The following TMPRSS12 variants were observed in gnomAD, a reference collection of about 807,000 sequenced individuals.
TMPRSS12 encodes transmembrane protease serine 12.
Under a neutral mutation model 26.0 loss-of-function variants are expected in TMPRSS12, and 25 were observed. The observed-to-expected ratio is 0.96, with a 90% confidence interval of 0.70 to 1.34. The LOEUF (loss-of-function observed/expected upper bound fraction) is 1.34. Ranked by LOEUF, TMPRSS12 falls within the 40% of genes most tolerant of loss-of-function variation. The pLI is 0.00. For missense variants in TMPRSS12, 441 were observed against 440.1 expected, an observed-to-expected ratio of 1.00 and a Z score of -0.02; for synonymous variants, 150 against 161.7, an observed-to-expected ratio of 0.93 and a Z score of 0.55.
chr12:50,876,330 A>T (rs558436228), intron 3 of TMPRSS12, among the ~76,000 whole-genome samples: 1 of 152,254 alleles, frequency 6.6e-6, no homozygotes, highest in South Asian at 2.1e-4. Flanking sequence ...TGTGGAAAGC[A>T]GTTTGGAGAT....
chr12:50,859,180 G>A (rs1376856279), intron 3 of TMPRSS12, 127 bp downstream of exon 3: 3 of 840,954 alleles, frequency 3.6e-6, no homozygotes, highest in Admixed American at 3.5e-5. Flanking sequence ...CACACACGAT[G>A]GTGGTCTATA....
At chr12:50,846,316 A>G (rs543368864) in intron 2 of TMPRSS12, among the ~76,000 whole-genome samples, 88 of 152,238 alleles carry the variant, frequency 5.8e-4, no homozygotes, top group South Asian at 5.4e-3. Flanking sequence ...CCATTTTTGC[A>G]TAAGGTATCA....
rs869152225 is a variant in TMPRSS12, at chr12:50,880,966, C to CTTTTTTT, written c.653-4253_653-4247dup. Among the ~76,000 whole-genome samples, 351 of 61,810 alleles carry CTTTTTTT rather than the reference C, an allele frequency of 5.7e-3. 38 individuals carry two copies. Among genetic ancestry groups the CTTTTTTT allele is most frequent in the Non-Finnish European group, 6.6e-3 (230 of 34,870 alleles). The allele number at this position is 61,810 out of a possible 152,430, so 40.5% of individuals were successfully genotyped here. A position where few individuals can be genotyped will look rare whatever the true frequency, so the allele number is the denominator to read the frequency against. On this transcript the variant is annotated intron_variant, in intron 3 of 4. Transcript: ENST00000398458. ...CTATAGAGACAGGAATCAGTAATTTCTTTTTTTTTTTTTTTTTTTTTTTTT... is the reference window on the plus strand; with the variant it reads ...CTATAGAGACAGGAATCAGTAATTTCTTTTTTTTTTTTTTTTTTTTTTTTTTTTTTTT...
intron 3 of TMPRSS12, among the ~76,000 whole-genome samples, chr12:50,860,371 G>A (rs1415117374): frequency 6.6e-6 from 1 of 152,122 alleles, no homozygotes; most frequent in Non-Finnish European, 1.5e-5. Context: ...CCATTTGGGA[G>A]CATTTACCAT....
chr12:50,846,272 G>C (rs898658908), intron 2 of TMPRSS12, among the ~76,000 whole-genome samples: 3 of 152,028 alleles, frequency 2.0e-5, no homozygotes, highest in Admixed American at 1.3e-4. Context: ...TATAGCTTTA[G>C]CTCTTAGATT....
At chr12:50,882,236 GC>G (rs1331714409) in intron 3 of TMPRSS12, among the ~76,000 whole-genome samples, 2 of 138,672 alleles carry the variant, frequency 1.4e-5, no homozygotes, top group Non-Finnish European at 3.1e-5. Context: ...AATTGCTTGG[GC>G]CCAGGAGTTC....
intron 3 of TMPRSS12, 48 bp from the exon 4 acceptor site, chr12:50,885,198 G>C (rs1229889901): frequency 1.3e-6 from 2 of 1,517,454 alleles, no homozygotes; most frequent in Admixed American, 4.4e-5. Flanking sequence ...TTAAATCACT[G>C]TAAAAATGTC....
At chr12:50,849,119 C>T (rs1937800952) in intron 2 of TMPRSS12, among the ~76,000 whole-genome samples, 2 of 152,296 alleles carry the variant, frequency 1.3e-5, no homozygotes, top group South Asian at 4.1e-4. Context: ...CCTCGGCCTT[C>T]CAAAGGGCTG....
intron 3 of TMPRSS12, among the ~76,000 whole-genome samples, chr12:50,880,653 A>G (rs970612068): frequency 5.4e-5 from 2 of 37,356 alleles, no homozygotes; most frequent in African/African-American, 1.3e-4. Context: ...GATATCTACC[A>G]AAGACAAATG....
chr12:50,878,370 C>T (rs951056242), intron 3 of TMPRSS12, among the ~76,000 whole-genome samples: 2 of 151,896 alleles, frequency 1.3e-5, no homozygotes, highest in African/African-American at 4.8e-5. Flanking sequence ...GGCTTGAGCC[C>T]AGGAATTTAA....
chr12:50,855,470 A>G (rs1019723968), intron 2 of TMPRSS12, among the ~76,000 whole-genome samples: 2 of 152,160 alleles, frequency 1.3e-5, no homozygotes, highest in African/African-American at 4.8e-5. Context: ...CAACATCACT[A>G]ATCATCAGAG....
At position 50,859,055 on chromosome 12, in the gene TMPRSS12, T is replaced by C; in HGVS notation, c.652+2T>C. On this transcript the variant is annotated splice_donor_variant, in intron 3 of 4. Transcript: ENST00000398458. LOFTEE classifies it high-confidence loss of function. ...GCTGGGGAAGAACAAAAGAAGAAGG[T>C]AATTATGGTCTGAATTTTACTGATA... The C allele has an allele frequency of 6.4e-7, 1 of 1,571,410 alleles. No individual in the cohort carries two copies. The highest frequency in any genetic ancestry group is 1.4e-5 in the African/African-American group (1 of 73,278).
Position 50,843,895 on chromosome 12 carries a change from G to A in TMPRSS12, c.241G>A (p.Gly81Ser). ...GTTGCAAGGGTCTCGGATTATAGGG[G>A]GCACCGAAGCACAAGCTGGCGCATG... ...DVLQGSRIIG[G>S]TEAQAGAWPW... Residue 81 changes from glycine to serine, a missense_variant, in exon 2 of 5, where the codon GGC (glycine) becomes AGC (serine). Gly to Ser is a moderately conservative substitution (Grantham distance 56). Transcript: ENST00000398458. 1 of 1,572,182 alleles carries A rather than the reference G, an allele frequency of 6.4e-7. No individual in the cohort carries two copies. Among genetic ancestry groups the A allele is most frequent in the South Asian group, 1.2e-5 (1 of 85,642 alleles).
intron 3 of TMPRSS12, among the ~76,000 whole-genome samples, chr12:50,867,149 G>A (rs1434047570): frequency 2.0e-5 from 3 of 152,136 alleles, no homozygotes; most frequent in African/African-American, 7.2e-5. Flanking sequence ...TGATTTAACT[G>A]AAAAAGAATT....
intron 2 of TMPRSS12, among the ~76,000 whole-genome samples, chr12:50,858,135 C>T (rs1403379900): frequency 1.3e-5 from 2 of 152,188 alleles, no homozygotes; most frequent in Non-Finnish European, 2.9e-5. Flanking sequence ...AGCCACTGCA[C>T]CCAGCCCTGG....
At chr12:50,856,638 A>T (rs1011525244) in intron 2 of TMPRSS12, among the ~76,000 whole-genome samples, 3 of 10,748 alleles carry the variant, frequency 2.8e-4, no homozygotes, top group African/African-American at 3.2e-4. Flanking sequence ...GCTGTTTTAT[A>T]TTAAAAAAAA....
chr12:50,856,612 AATG>A (rs1055995351), intron 2 of TMPRSS12, among the ~76,000 whole-genome samples: 12 of 151,098 alleles, frequency 7.9e-5, no homozygotes, highest in African/African-American at 2.7e-4. Context: ...TACCTTGTCA[AATG>A]ATAAGTGTAT....
At chr12:50,867,480 TAAAC>T (rs1303310859) in intron 3 of TMPRSS12, among the ~76,000 whole-genome samples, 1 of 152,176 alleles carries the variant, frequency 6.6e-6, no homozygotes, top group Non-Finnish European at 1.5e-5. Context: ...GGGATTATGT[TAAAC>T]AACCAAACCT....
Position 50,887,432 on chromosome 12 carries a change from T to A in TMPRSS12, c.966T>A (p.Thr322=). The A allele has an allele frequency of 6.2e-7, 1 of 1,613,976 alleles. No individual in the cohort carries two copies. The highest frequency in any genetic ancestry group is 1.7e-5 in the Admixed American group (1 of 60,016). ...CAGAGCATTTCTTCCATGCAAGCAC[T>A]CAAGGCATACTTACTATAAATATTT... The part of the protein sequence containing the change: ...WLTEHFFHAS[T]QGILTINILR... The change falls in exon 5 of 5, where the codon ACT becomes ACA. Residue 322 remains threonine (T), a synonymous_variant. Coordinates refer to ENST00000398458, the MANE Select transcript of TMPRSS12 (RefSeq NM_182559.3).
Sources: allele counts gnomAD v4.1 joint callset (sites outside exome capture counted in the v4.1 genomes callset), GRCh38; gene constraint gnomAD v4.1.1; transcripts MANE v1.5; gene names NCBI Gene and HGNC (gene_info 2026-07-23, HGNC 2026-07-21).